The following WDR48 variants were observed in gnomAD, a reference collection of about 807,000 sequenced individuals.
The protein encoded by WDR48 is WD repeat-containing protein 48.
WDR48 carries 22 observed loss-of-function variants against 94.0 expected under a neutral mutation model. The ratio of observed to expected loss-of-function variants is 0.23; its 90% CI spans 0.17 to 0.33. The LOEUF (loss-of-function observed/expected upper bound fraction) is 0.33, where lower values mean the gene tolerates loss of function less well. WDR48 is among the 10% of genes least tolerant of loss of function. The pLI, the probability that WDR48 is intolerant of heterozygous loss-of-function variation, is 1.00. For synonymous variants in WDR48, 278 were observed against 280.5 expected (o/e 0.99, Z 0.09); for missense variants, 541 against 813.8 (o/e 0.66, Z 4.08).
At chr3:39,057,646 C>T (rs1276709370) in intron 1 of WDR48, among the ~76,000 whole-genome samples, 1 of 151,390 alleles carries the variant, frequency 6.6e-6, no homozygotes, top group Non-Finnish European at 1.5e-5. Flanking sequence ...TTTTTTGAGA[C>T]ATTGTCTCAC....
Position 39,055,238 on chromosome 3 carries a change from G to C in WDR48, c.48+3165G>C, listed in dbSNP as rs533670073. On this transcript the variant is annotated intron_variant, in intron 1 of 18. Transcript: ENST00000302313. Reference sequence around the variant, plus strand: ...GTGGTGGCTCATGCCTGTAATCCCAGCACTTTGGGAGGCCAAGGTGGGCAG... The same window carrying C: ...GTGGTGGCTCATGCCTGTAATCCCACCACTTTGGGAGGCCAAGGTGGGCAG... Among the ~76,000 whole-genome samples the C allele has an allele frequency of 1.8e-4, 28 of 152,308 alleles. No individual in the cohort carries two copies. The East Asian group carries it at 5.2e-3, about 28-fold the overall frequency.
rs930818068 is a variant in WDR48 at position 39,085,617 on chromosome 3, T to G, written c.1474+7T>G. ...GAAAATGAAGTAAACCATGGTTAGT[T>G]TTTATATTCAGATAGTTGCATAAAA... On this transcript the variant is annotated splice_region_variant and intron_variant, in intron 14 of 18. Coordinates refer to ENST00000302313, the MANE Select transcript of WDR48 (RefSeq NM_020839.4). 1 of 1,603,784 alleles carries G rather than the reference T, an allele frequency of 6.2e-7. No homozygotes were observed. The highest frequency in any genetic ancestry group is 1.3e-5 in the African/African-American group (1 of 74,614).
chr3:39,081,689 T>C (rs148835717), intron 11 of WDR48, among the ~76,000 whole-genome samples: 290 of 152,326 alleles, frequency 1.9e-3, no homozygotes, highest in Non-Finnish European at 3.5e-3. Context: ...CAGGACCTAA[T>C]TGTCTCCAGA....
chr3:39,059,787 GTTTA>G (rs770950604), intron 1 of WDR48, among the ~76,000 whole-genome samples: 13 of 152,258 alleles, frequency 8.5e-5, no homozygotes, highest in South Asian at 2.1e-4. Context: ...GTCAGAAAGT[GTTTA>G]TTTATCCTCA....
At chr3:39,059,432 A>T (rs947783281) in intron 1 of WDR48, among the ~76,000 whole-genome samples, 1 of 152,248 alleles carries the variant, frequency 6.6e-6, no homozygotes, top group African/African-American at 2.4e-5. Context: ...CAGGGTCAGA[A>T]CTAAGCATTT....
chr3:39,081,131 A>G (rs538970955), intron 11 of WDR48, among the ~76,000 whole-genome samples: 1 of 152,320 alleles, frequency 6.6e-6, no homozygotes, highest in East Asian at 1.9e-4. Context: ...AGACATGAGC[A>G]CCATAGGAAA....
chr3:39,070,456 A>G (rs563419457), intron 7 of WDR48, among the ~76,000 whole-genome samples: 2 of 152,308 alleles, frequency 1.3e-5, no homozygotes, highest in East Asian at 3.9e-4. Context: ...TAGAAAGATG[A>G]TGAGGTGAGA....
At chr3:39,089,541 A>G (rs1376004180) in intron 16 of WDR48, 1 of 307,030 alleles carries the variant, frequency 3.3e-6, no homozygotes, top group East Asian at 5.5e-5. Flanking sequence ...ATGCTTATTC[A>G]ACAAAATAAT....
At chr3:39,081,919 G>C (rs1250572694) in intron 11 of WDR48, among the ~76,000 whole-genome samples, 1 of 152,194 alleles carries the variant, frequency 6.6e-6, no homozygotes, top group East Asian at 1.9e-4. Flanking sequence ...TTGAAGTTTT[G>C]ATATCAAATG....
intron 1 of WDR48, among the ~76,000 whole-genome samples, chr3:39,055,263 G>A (rs2032798261): frequency 6.6e-6 from 1 of 152,184 alleles, no homozygotes; most frequent in Non-Finnish European, 1.5e-5. Flanking sequence ...AAGGTGGGCA[G>A]ATCACTTGAG....
At chr3:39,082,501 C>T (rs776987279) in intron 11 of WDR48, among the ~76,000 whole-genome samples, 5 of 151,972 alleles carry the variant, frequency 3.3e-5, no homozygotes, top group Non-Finnish European at 7.4e-5. Flanking sequence ...AGGATGGTCT[C>T]GATCTCCTGG....
At chr3:39,071,398 G>C (rs924463878) in intron 7 of WDR48, among the ~76,000 whole-genome samples, 4 of 152,234 alleles carry the variant, frequency 2.6e-5, no homozygotes, top group Admixed American at 6.5e-5. Context: ...GGCTGCACTT[G>C]AGATGGTTGC....
At chr3:39,075,047 G>A (rs181618364) in intron 8 of WDR48, 97 bp downstream of exon 8, 6 of 1,176,200 alleles carry the variant, frequency 5.1e-6, no homozygotes, top group East Asian at 2.5e-5. Flanking sequence ...CTCAACTGCA[G>A]GGTTCGGAGG....
intron 10 of WDR48, among the ~76,000 whole-genome samples, 190 bp downstream of exon 10, chr3:39,078,429 G>GT (rs1367711337): frequency 2.0e-5 from 3 of 151,370 alleles, no homozygotes; most frequent in Admixed American, 6.6e-5. Flanking sequence ...GTTTTGTTTT[G>GT]TTTTTTTGAG....
At chr3:39,063,694 A>G (rs577570944) in intron 2 of WDR48, among the ~76,000 whole-genome samples, 72 of 152,114 alleles carry the variant, frequency 4.7e-4, no homozygotes, top group African/African-American at 1.7e-3. Flanking sequence ...TGCAATCCCA[A>G]CAATTTCGGA....
chr3:39,077,994 T>C, intron 9 of WDR48, 143 bp from the exon 10 acceptor site: 2 of 604,712 alleles, frequency 3.3e-6, no homozygotes, highest in Non-Finnish European at 5.9e-6. Flanking sequence ...ATAATTGTAC[T>C]GTGACCAAAT....
At position 39,087,785 on chromosome 3, in the gene WDR48, A is replaced by G. The variant is rs532579206; in HGVS notation, c.1475-343A>G. 3 of 166,560 alleles carry G rather than the reference A, an allele frequency of 1.8e-5. No individual in the cohort carries two copies. The East Asian group carries it at 5.1e-4, about 28-fold the overall frequency. 10.3% of individuals were successfully genotyped at this position (166,560 alleles called of 1,614,324 possible). A position where few individuals can be genotyped will look rare whatever the true frequency, so the allele number is the denominator to read the frequency against. ...TTCTGAGCTTGGTGTTCTACAAAAA[A>G]CAAAAACAAAAAAACTCTAGATCTT... On this transcript the variant is annotated intron_variant, in intron 14 of 18. Coordinates refer to ENST00000302313, the MANE Select transcript of WDR48 (RefSeq NM_020839.4).
chr3:39,093,860 T>G lies in WDR48; in HGVS notation c.1746-14T>G. On this transcript the variant is annotated splice_polypyrimidine_tract_variant and intron_variant, in intron 17 of 18. Transcript: ENST00000302313. ...ATTTCCCTGATGTCACAATATGCCA[T>G]TGCTTTTTTACAGAGATAGACTCTC... 1 of 1,530,356 alleles carries G rather than the reference T, an allele frequency of 6.5e-7. No homozygotes were observed. The highest frequency in any genetic ancestry group is 1.3e-5 in the South Asian group (1 of 76,262). The allele number at this position is 1,530,356 out of a possible 1,614,324, so 94.8% of individuals were successfully genotyped here.
intron 7 of WDR48, among the ~76,000 whole-genome samples, chr3:39,073,657 TC>T (rs1318263434): frequency 6.6e-6 from 1 of 152,084 alleles, no homozygotes; most frequent in Admixed American, 6.6e-5. Context: ...TCTAATTCAG[TC>T]TTTTTCCACC....
Sources: allele counts gnomAD v4.1 joint callset (sites outside exome capture counted in the v4.1 genomes callset), GRCh38; gene constraint gnomAD v4.1.1; transcripts MANE v1.5; gene names NCBI Gene and HGNC (gene_info 2026-07-23, HGNC 2026-07-21).